The following BTBD16 variants were observed in gnomAD, a reference collection of about 807,000 sequenced individuals.
BTBD16 encodes BTB domain containing 16.
Under a neutral mutation model 67.4 loss-of-function variants are expected in BTBD16, and 66 were observed. That is an observed-to-expected ratio of 0.98 (90% CI 0.80 to 1.20). The LOEUF is 1.20. Among genes scored for constraint, BTBD16 ranks in the 50% most tolerant of loss-of-function variants. The pLI is 0.00. For missense variants in BTBD16, 634 were observed against 616.0 expected, an observed-to-expected ratio of 1.03 and a Z score of -0.31; for synonymous variants, 242 against 236.4, an observed-to-expected ratio of 1.02 and a Z score of -0.22.
intron 10 of BTBD16, among the ~76,000 whole-genome samples, chr10:122,315,744 A>G (rs1005173334): frequency 6.6e-6 from 1 of 152,176 alleles, no homozygotes; most frequent in Non-Finnish European, 1.5e-5. Flanking sequence ...CTGTTTTTCA[A>G]GGAACGTGTA....
At chr10:122,282,414 G>A (rs918026657) in intron 3 of BTBD16, among the ~76,000 whole-genome samples, 1 of 152,194 alleles carries the variant, frequency 6.6e-6, no homozygotes, top group Non-Finnish European at 1.5e-5. Flanking sequence ...GGAAAGGGCA[G>A]CACGTAGTTG....
intron 15 of BTBD16, among the ~76,000 whole-genome samples, chr10:122,337,794 T>A (rs1227839133): frequency 6.6e-6 from 1 of 152,250 alleles, no homozygotes; most frequent in Non-Finnish European, 1.5e-5. Flanking sequence ...TTGGTGAGAA[T>A]TTATCAAGCT....
rs548924209 is a variant in BTBD16 at position 122,309,161 on chromosome 10, C to G, written c.911+1853C>G. ...TCTTTTTTTGAGACAGGGTCTTGCT[C>G]TGTCATCCAGGTTGGAGTACAGTGG... On this transcript the variant is annotated intron_variant, in intron 10 of 15. Transcript: ENST00000260723. Among the ~76,000 whole-genome samples the G allele has an allele frequency of 1.6e-3, 237 of 152,228 alleles. 1 individual carries two copies. Among genetic ancestry groups the G allele is most frequent in the African/African-American group, 5.5e-3 (228 of 41,536 alleles).
chr10:122,332,443 A>G lies in BTBD16; in HGVS notation c.1094A>G (p.Asn365Ser). The change falls in exon 13 of 16, where the codon AAT becomes AGT. Residue 365 changes from asparagine to serine, a missense_variant. Physicochemically the swap from Asn to Ser is conservative, Grantham distance 46. Coordinates refer to ENST00000260723, the MANE Select transcript of BTBD16 (RefSeq NM_144587.5). ...TGTGCATTTTCCTTTCAGCTGGAGA[A>G]TGGGGGCGACATGGTCCACCTGAAA... ...VTVNHYHALE[N>S]GGDMVHLKDL... is the part of the protein sequence containing the mutation. 9.3e-6 allele frequency: 15 copies of G among 1,614,010 alleles called. No individual in the cohort carries two copies. Among genetic ancestry groups the G allele is most frequent in the Non-Finnish European group, 1.3e-5 (15 of 1,179,996 alleles).
intron 10 of BTBD16, among the ~76,000 whole-genome samples, chr10:122,326,427 A>G (rs1247212814): frequency 6.6e-6 from 1 of 152,166 alleles, no homozygotes; most frequent in Non-Finnish European, 1.5e-5. Flanking sequence ...GAGTAGAATC[A>G]TCCAGCATTC....
At chr10:122,318,954 T>C (rs765429838) in intron 10 of BTBD16, among the ~76,000 whole-genome samples, 16 of 152,328 alleles carry the variant, frequency 1.1e-4, no homozygotes, top group Admixed American at 2.6e-4. Flanking sequence ...CTCATTGTGA[T>C]TTTAACTTTC....
intron 14 of BTBD16, 71 bp downstream of exon 14, chr10:122,335,050 T>C: frequency 1.4e-6 from 1 of 731,982 alleles, no homozygotes; most frequent in Non-Finnish European, 2.3e-6. Flanking sequence ...TCATGTTGAA[T>C]TAATAATAAT....
chr10:122,293,862 C>T (rs983144460), intron 7 of BTBD16, among the ~76,000 whole-genome samples: 1 of 152,200 alleles, frequency 6.6e-6, no homozygotes, highest in Non-Finnish European at 1.5e-5. Flanking sequence ...GTCTCCAAGC[C>T]TCAGCTGCCC....
At position 122,283,825 on chromosome 10, in the gene BTBD16, A is replaced by C. The variant is rs372730975; in HGVS notation, c.168-26A>C. On this transcript the variant is annotated intron_variant, in intron 3 of 15. Coordinates refer to ENST00000260723, the MANE Select transcript of BTBD16 (RefSeq NM_144587.5). ...GAAAAATGTCAGTATTAACTCCTGG[A>C]TTTTATATTTGCATTTTCCCTTGAG... is the stretch of plus-strand genomic sequence containing the variant. The C allele has an allele frequency of 2.1e-4, 333 of 1,598,654 alleles. 1 individual carries two copies. The highest frequency in any genetic ancestry group is 2.7e-4 in the Non-Finnish European group (319 of 1,166,516).
At chr10:122,328,370 G>A (rs149597198) in intron 10 of BTBD16, among the ~76,000 whole-genome samples, 5 of 152,276 alleles carry the variant, frequency 3.3e-5, no homozygotes, top group African/African-American at 9.6e-5. Flanking sequence ...GGTAGATACT[G>A]GTAAATAACC....
Position 122,307,178 on chromosome 10 carries a change from A to C in BTBD16, c.792-11A>C, listed in dbSNP as rs780461762. 9 of 1,579,452 alleles carry C rather than the reference A, an allele frequency of 5.7e-6. No individual in the cohort carries two copies. The South Asian group carries it at 1.1e-4, about 19-fold the overall frequency. On this transcript the variant is annotated splice_polypyrimidine_tract_variant and intron_variant, in intron 9 of 15. Transcript: ENST00000260723. ...TCTGAAATTTCTTCTCAATCTTTTT[A>C]TTTTGGCCAGGTTATTTACCTTTAG...
intron 9 of BTBD16, among the ~76,000 whole-genome samples, chr10:122,302,430 C>T (rs964999248): frequency 6.6e-6 from 1 of 152,066 alleles, no homozygotes. Flanking sequence ...GGATGGAGAC[C>T]TCAGAGCACT....
intron 10 of BTBD16, among the ~76,000 whole-genome samples, chr10:122,309,215 C>T (rs568530882): frequency 7.9e-5 from 12 of 152,294 alleles, no homozygotes; most frequent in African/African-American, 2.6e-4. Context: ...CAGCCTCAAA[C>T]TCCTAGGTTC....
intron 10 of BTBD16, among the ~76,000 whole-genome samples, chr10:122,317,824 A>G (rs2096428611): frequency 6.6e-6 from 1 of 152,176 alleles, no homozygotes; most frequent in Admixed American, 6.5e-5. Flanking sequence ...GCCATCTCCT[A>G]TGATAACAAT....
chr10:122,328,261 A>T (rs2096448832), intron 10 of BTBD16, among the ~76,000 whole-genome samples: 1 of 152,172 alleles, frequency 6.6e-6, no homozygotes, highest in Non-Finnish European at 1.5e-5. Context: ...TACCCTCGGT[A>T]ATGGAGGGCT....
At chr10:122,319,419 G>A (rs1316117743) in intron 10 of BTBD16, among the ~76,000 whole-genome samples, 2 of 152,060 alleles carry the variant, frequency 1.3e-5, no homozygotes, top group Non-Finnish European at 2.9e-5. Context: ...TGTGAGGTAA[G>A]GGTTAAGATT....
At position 122,289,832 on chromosome 10, in the gene BTBD16, A is replaced by G. The variant is rs935373858; in HGVS notation, c.386-77A>G. 1.8e-5 allele frequency: 17 copies of G among 920,152 alleles called. No individual in the cohort carries two copies. The Admixed American group carries it at 2.7e-4, about 15-fold the overall frequency. 57.0% of individuals were successfully genotyped at this position (920,152 alleles called of 1,614,324 possible). ...TATCTTGATACCTCATGGTCATGCC[A>G]GGGTGGTGGGTGCCTCCCACTGTGT... On this transcript the variant is annotated intron_variant, in intron 5 of 15. Coordinates refer to ENST00000260723, the MANE Select transcript of BTBD16 (RefSeq NM_144587.5).
intron 10 of BTBD16, among the ~76,000 whole-genome samples, chr10:122,314,298 G>A (rs139382671): frequency 1.7e-4 from 26 of 152,250 alleles, no homozygotes; most frequent in Admixed American, 1.2e-3. Flanking sequence ...GAGGCCAGGA[G>A]TTAGAGACCA....
At chr10:122,326,717 AG>A (rs2096445507) in intron 10 of BTBD16, among the ~76,000 whole-genome samples, 1 of 152,196 alleles carries the variant, frequency 6.6e-6, no homozygotes, top group African/African-American at 2.4e-5. Context: ...AGTAGGACCC[AG>A]GGCCAACCTG....
Sources: allele counts gnomAD v4.1 joint callset (sites outside exome capture counted in the v4.1 genomes callset), GRCh38; gene constraint gnomAD v4.1.1; transcripts MANE v1.5; gene names NCBI Gene and HGNC (gene_info 2026-07-23, HGNC 2026-07-21).